Variants in CIART observed in about 807,000 individuals in gnomAD.
CIART encodes circadian-associated transcriptional repressor.
In CIART, 7 loss-of-function variants were observed where a neutral mutation model predicts 22.1. That is an observed-to-expected ratio of 0.32 (90% confidence interval 0.18 to 0.59). The LOEUF is 0.59. Ranked by LOEUF, CIART falls within the 20% of genes least tolerant of loss-of-function variation. CIART has a pLI of 0.86. For missense variants in CIART, 440 were observed against 478.0 expected, an observed-to-expected ratio of 0.92 and a Z score of 0.74; for synonymous variants, 163 against 174.6, an observed-to-expected ratio of 0.93 and a Z score of 0.53.
chr1:150,284,570 T>C, intron 3 of CIART, 27 bp from the exon 4 acceptor site: 2 of 1,600,084 alleles, frequency 1.2e-6, no homozygotes, highest in Non-Finnish European at 1.7e-6. Flanking sequence ...CTGTTGCTGG[T>C]TTTTTAAAGC....
At position 150,286,641 on chromosome 1, in the gene CIART, G is replaced by T. The variant is rs781931082; in HGVS notation, c.845G>T (p.Gly282Val). 3.1e-6 allele frequency: 5 copies of T among 1,613,558 alleles called. No individual in the cohort carries two copies. In the East Asian group the frequency reaches 1.1e-4, roughly 36 times the overall value. The stretch of plus-strand genomic sequence containing the variant: ...CCAGGTACTATCTCCTTTAGCCATG[G>T]TCCTTTAGGCACTGGAACCGGCATT... Reference protein sequence around the residue: ...SSPGTISFSHGPLGTGTGIGV... With the variant: ...SSPGTISFSHVPLGTGTGIGV... The change falls in exon 5 of 5, where the codon GGT becomes GTT. Residue 282 changes from glycine (G) to valine (V), a missense_variant. By Grantham distance (109) the Gly-to-Val change is moderately radical (BLOSUM62 -3). Coordinates refer to ENST00000290363, the MANE Select transcript of CIART (RefSeq NM_144697.4).
chr1:150,284,888 G>GTTGTT (rs1653398311), intron 4 of CIART, 180 bp downstream of exon 4: 1 of 606,298 alleles, frequency 1.6e-6, no homozygotes, highest in Non-Finnish European at 2.9e-6. Flanking sequence ...TGTTGTTGTT[G>GTTGTT]TTGTTGTTGT....
chr1:150,284,003 T>TATTATTATTA (rs1553854144), intron 2 of CIART, 123 bp downstream of exon 2: 2 of 490,042 alleles, frequency 4.1e-6, no homozygotes, highest in Admixed American at 4.4e-5. Context: ...CTACTATGAC[T>TATTATTATTA]TTATTATTAT....
rs587738346 is a variant in CIART at position 150,284,794 on chromosome 1, T to G, written c.633+86T>G. On this transcript the variant is annotated intron_variant, in intron 4 of 4. Transcript: ENST00000290363. ...GCAGAAATGGCCCCTTTTGCCATTT[T>G]CTTTTGAGTCTTTTCTTCAAGTTTC... is the stretch of plus-strand genomic sequence containing the variant. 18 of 914,694 alleles carry G rather than the reference T, an allele frequency of 2.0e-5. No individual in the cohort carries two copies. The South Asian group carries it at 2.4e-4, about 12-fold the overall frequency. The allele number at this position is 914,694 out of a possible 1,614,324, so 56.7% of individuals were successfully genotyped here. A position where few individuals can be genotyped will look rare whatever the true frequency, so the allele number is the denominator to read the frequency against.
rs145863368 is a variant in CIART, at chr1:150,283,521, C to T, written c.254C>T (p.Ser85Leu). 3.7e-5 allele frequency: 60 copies of T among 1,614,084 alleles called. No individual in the cohort carries two copies. Among genetic ancestry groups the T allele is most frequent in the Non-Finnish European group, 4.7e-5 (56 of 1,180,048 alleles). ...HTPSHPKQRGSASPMAGSGAK... is the reference protein window; with the variant it reads ...HTPSHPKQRGLASPMAGSGAK... ...CCATCTCATCCGAAACAGCGGGGTTCGGCTTCTCCTATGGCAGGATCTGGG... is the reference window on the plus strand; with the variant it reads ...CCATCTCATCCGAAACAGCGGGGTTTGGCTTCTCCTATGGCAGGATCTGGG... Residue 85 changes from serine to leucine, a missense_variant, in exon 1 of 5, where the codon TCG becomes TTG. Transcript: ENST00000290363.
At position 150,286,609 on chromosome 1, in the gene CIART, C is replaced by G. The variant is rs1653501638; in HGVS notation, c.813C>G (p.Leu271=). ...IHTTPICNPP[L]SSPGTISFSH... ...CCACTCCAATTTGCAACCCCCCTCT[C>G]AGCTCCCCAGGTACTATCTCCTTTA... The change falls in exon 5 of 5, where the codon CTC becomes CTG. Residue 271 remains leucine, a synonymous_variant. Transcript: ENST00000290363. 1 of 1,609,924 alleles carries G rather than the reference C, an allele frequency of 6.2e-7. No individual in the cohort carries two copies. Among genetic ancestry groups the G allele is most frequent in the East Asian group, 2.2e-5 (1 of 44,866 alleles).
chr1:150,283,687 G>A, intron 1 of CIART, 54 bp downstream of exon 1: 1 of 1,588,244 alleles, frequency 6.3e-7, no homozygotes, highest in Non-Finnish European at 8.6e-7. Flanking sequence ...GCACCCAGCT[G>A]GTTGATAAGG....
Position 150,283,411 on chromosome 1 carries a change from T to C in CIART, c.144T>C (p.Thr48=). ...DKGAHGPRPD[T]VGQRGGSRPS... ...GGGCCCATGGGCCCAGGCCAGACAC[T>C]GTTGGGCAGAGGGGAGGTTCACGGC... The change falls in exon 1 of 5, where the codon ACT becomes ACC. Residue 48 remains threonine, a synonymous_variant. Transcript: ENST00000290363. The C allele has an allele frequency of 6.2e-7, 1 of 1,614,100 alleles. No individual in the cohort carries two copies.
intron 4 of CIART, among the ~76,000 whole-genome samples, chr1:150,285,752 G>A (rs1553854495): frequency 6.6e-6 from 1 of 151,852 alleles, no homozygotes; most frequent in African/African-American, 2.4e-5. Context: ...AAAGCAGGAG[G>A]ATTGCTTGAG....
In CIART at chr1:150,286,831, C is replaced by G. The variant is rs782213892; in HGVS notation, c.1035C>G (p.Asp345Glu). The change falls in exon 5 of 5, where the codon GAC becomes GAG. Residue 345 changes from aspartate (D) to glutamate (E), a missense_variant. Coordinates refer to ENST00000290363, the MANE Select transcript of CIART (RefSeq NM_144697.4). ...CYSLPVTLPS[D>E]WSYTLSPPSL... ...GTTTGCCAGTAACTCTGCCATCAGA[C>G]TGGAGCTATACCCTATCCCCTCCCA... 5.6e-6 allele frequency: 9 copies of G among 1,613,490 alleles called. No homozygotes were observed. The highest frequency in any genetic ancestry group is 1.3e-5 in the African/African-American group (1 of 74,870).
intron 4 of CIART, chr1:150,285,508 C>G (rs1470944853): frequency 6.6e-6 from 1 of 151,404 alleles, no homozygotes; most frequent in Admixed American, 7.1e-5. Context: ...TGCACTCCAG[C>G]CTGGGAGACA....
chr1:150,284,901 T>TTC, intron 4 of CIART, 193 bp downstream of exon 4: 2 of 600,582 alleles, frequency 3.3e-6, no homozygotes. Flanking sequence ...GTTGTTGTTT[T>TTC]GTTTGAATCA....
intron 4 of CIART, 45 bp downstream of exon 4, chr1:150,284,753 A>G (rs1214911365): frequency 7.0e-7 from 1 of 1,433,402 alleles, no homozygotes; most frequent in Non-Finnish European, 9.8e-7. Flanking sequence ...AATAGCCAAG[A>G]AAATGAAATG....
rs76442269 is a variant in CIART, at chr1:150,283,336, A to G, written c.69A>G (p.Pro23=). Residue 23 remains proline, a synonymous_variant, in exon 1 of 5, where the codon CCA becomes CCG. Transcript: ENST00000290363. ...TCTCTTCGTCTTTTCCCACCTCCCC[A>G]GTGAACAGTGACTTTGGCTTCCCCT... The part of the protein sequence containing the change: ...YSLSSSFPTS[P]VNSDFGFPSD... The G allele has an allele frequency of 1.1e-5, 18 of 1,565,358 alleles. No homozygotes were observed. The South Asian group carries it at 1.7e-4, about 15-fold the overall frequency.
chr1:150,283,944 G>A (rs1341117711), intron 2 of CIART, 64 bp downstream of exon 2: 10 of 1,315,006 alleles, frequency 7.6e-6, no homozygotes, highest in East Asian at 6.9e-5. Flanking sequence ...CTCTTTTGAC[G>A]TGTATTTCTC....
Position 150,283,480 on chromosome 1 carries a change from CG to C in CIART, c.215del (p.Gly72ValfsTer35), listed in dbSNP as rs782370352. 1.9e-6 allele frequency: 3 copies of C among 1,614,100 alleles called. No homozygotes were observed. Among genetic ancestry groups the C allele is most frequent in the Non-Finnish European group, 2.5e-6 (3 of 1,180,046 alleles). On this transcript the variant is annotated frameshift_variant, in exon 1 of 5. Transcript: ENST00000290363. LOFTEE classifies it high-confidence loss of function. ...GCTGCAGGCATCGATCGAAGGTTTCCGGTAACCAGCATACACCATCTCATCC... is the reference window on the plus strand; with the variant it reads ...GCTGCAGGCATCGATCGAAGGTTTCCGTAACCAGCATACACCATCTCATCC... Reference protein sequence around the residue: ...IRCRHRSKVSGNQHTPSHPKQ... With the variant: ...IRCRHRSKVSXNQHTPSHPKQ...
Position 150,286,673 on chromosome 1 carries a change from A to G in CIART, c.877A>G (p.Ile293Val), listed in dbSNP as rs1653508505. Residue 293 changes from isoleucine to valine, a missense_variant, in exon 5 of 5, where the codon ATT becomes GTT. Transcript: ENST00000290363. ...PLGTGTGIGV[I>V]LFLQHGVQPF... ...AGGCACTGGAACCGGCATTGGCGTC[A>G]TTCTTTTCCTCCAGCATGGAGTGCA... 1 of 1,614,140 alleles carries G rather than the reference A, an allele frequency of 6.2e-7. No individual in the cohort carries two copies. The highest frequency in any genetic ancestry group is 2.2e-5 in the East Asian group (1 of 44,890).
chr1:150,282,567 G>C lies in CIART; in HGVS notation c.-701G>C, dbSNP rs2101887788. The stretch of plus-strand genomic sequence containing the variant: ...GCGGAGGTGGGTAGATAGACCCGGA[G>C]AGACGGCGAAGGAGCTGGAAACCGA... On this transcript the variant is annotated 5_prime_UTR_variant, in exon 1 of 5. Transcript: ENST00000290363. 6.6e-6 allele frequency: 1 copy of C among 152,376 alleles called. No homozygotes were observed. The highest frequency in any genetic ancestry group is 2.4e-5 in the African/African-American group (1 of 41,576). The allele number at this position is 152,376 out of a possible 1,614,324, so 9.4% of individuals were successfully genotyped here. A position where few individuals can be genotyped will look rare whatever the true frequency, so the allele number is the denominator to read the frequency against.
rs781802341 is a variant in CIART at position 150,283,525 on chromosome 1, T to C, written c.258T>C (p.Ala86=). The C allele has an allele frequency of 2.5e-6, 4 of 1,614,108 alleles. No individual in the cohort carries two copies. Among genetic ancestry groups the C allele is most frequent in the Non-Finnish European group, 3.4e-6 (4 of 1,180,052 alleles). ...TPSHPKQRGS[A]SPMAGSGAKR... is the part of the protein sequence containing the mutation. Reference sequence around the variant, plus strand: ...CTCATCCGAAACAGCGGGGTTCGGCTTCTCCTATGGCAGGATCTGGGGCGA... The same window carrying C: ...CTCATCCGAAACAGCGGGGTTCGGCCTCTCCTATGGCAGGATCTGGGGCGA... The change falls in exon 1 of 5, where the codon GCT becomes GCC. Residue 86 remains alanine (A), a synonymous_variant. Coordinates refer to ENST00000290363, the MANE Select transcript of CIART (RefSeq NM_144697.4).
Sources: allele counts gnomAD v4.1 joint callset (sites outside exome capture counted in the v4.1 genomes callset), GRCh38; gene constraint gnomAD v4.1.1; transcripts MANE v1.5; gene names NCBI Gene and HGNC (gene_info 2026-07-23, HGNC 2026-07-21).